The following TLN2 variants were observed in gnomAD, a reference collection of about 807,000 sequenced individuals.
The protein encoded by TLN2 is talin 2, also known as talin-2.
Under a neutral mutation model 294.7 loss-of-function variants are expected in TLN2, and 118 were observed. That is an observed-to-expected ratio of 0.40 (90% CI 0.34 to 0.47). The LOEUF is 0.47. TLN2 is among the 20% of genes least tolerant of loss of function. The pLI is 0.84. For synonymous variants in TLN2, 1,431 were observed against 1,304.5 expected (o/e 1.10, Z -2.09); for missense variants, 3,083 against 3,282.2 (o/e 0.94, Z 1.48).
intron 46 of TLN2, among the ~76,000 whole-genome samples, 178 bp from the exon 47 acceptor site, chr15:62,795,949 C>G (rs1427376287): frequency 2.0e-5 from 3 of 152,202 alleles, no homozygotes; most frequent in African/African-American, 7.2e-5. Flanking sequence ...TGCCTAAGGT[C>G]ACAGGGCCTG....
intron 1 of TLN2, among the ~76,000 whole-genome samples, chr15:62,418,092 A>C (rs1308831524): frequency 6.6e-6 from 1 of 152,228 alleles, no homozygotes; most frequent in Non-Finnish European, 1.5e-5. Context: ...CATTGTGACT[A>C]ATCTCAGATT....
At chr15:62,689,846 CTTTTTTTTTTTTT>C (rs1158144919) in intron 12 of TLN2, among the ~76,000 whole-genome samples, 18 of 15,416 alleles carry the variant, frequency 1.2e-3, no homozygotes, top group East Asian at 7.1e-3. Flanking sequence ...GTATGGGCTT[CTTTTTTTTTTTTT>C]TTTTTTTTTT....
chr15:62,692,973 A>G, intron 13 of TLN2, 32 bp downstream of exon 13: 1 of 1,569,146 alleles, frequency 6.4e-7, no homozygotes, highest in Non-Finnish European at 8.7e-7. Flanking sequence ...TGGAAAAGCA[A>G]GACGGCTTTA....
intron 48 of TLN2, among the ~76,000 whole-genome samples, chr15:62,799,575 C>T (rs982479147): frequency 6.6e-6 from 1 of 152,218 alleles, no homozygotes; most frequent in Non-Finnish European, 1.5e-5. Flanking sequence ...TACTGAGTAC[C>T]TGCTGGGTGC....
intron 42 of TLN2, among the ~76,000 whole-genome samples, chr15:62,774,607 A>G (rs1353694): frequency 6.6e-6 from 1 of 152,236 alleles, no homozygotes; most frequent in Admixed American, 6.5e-5. Flanking sequence ...TAGAAGAGGT[A>G]GACGTTGAGC....
At chr15:62,779,431 G>A (rs1404929746) in intron 43 of TLN2, among the ~76,000 whole-genome samples, 1 of 152,184 alleles carries the variant, frequency 6.6e-6, no homozygotes, top group East Asian at 1.9e-4. Context: ...ATAAAAGAAA[G>A]GTCATGCTAG....
At position 62,721,824 on chromosome 15, in the gene TLN2, G is replaced by A. The variant is rs539599823; in HGVS notation, c.2992-529G>A. On this transcript the variant is annotated intron_variant, in intron 25 of 58. Transcript: ENST00000636159. Reference sequence around the variant, plus strand: ...TATTATATAGCTCTTTAAAAGGTAGGATATGTGAGACAAGGAGATTGTGAG... The same window carrying A: ...TATTATATAGCTCTTTAAAAGGTAGAATATGTGAGACAAGGAGATTGTGAG... 3.9e-5 allele frequency among the ~76,000 whole-genome samples: 6 copies of A among 152,314 alleles called. No homozygotes were observed. In the East Asian group the frequency reaches 1.2e-3, roughly 29 times the overall value.
At chr15:62,782,672 ACACT>A (rs1433209346) in intron 44 of TLN2, among the ~76,000 whole-genome samples, 1 of 152,232 alleles carries the variant, frequency 6.6e-6, no homozygotes, top group Non-Finnish European at 1.5e-5. Flanking sequence ...GCACGTGGCA[ACACT>A]CACTCTCGTG....
chr15:62,827,734 GATTA>G (rs926092833), intron 54 of TLN2: 4 of 152,200 alleles, frequency 2.6e-5, no homozygotes, highest in Non-Finnish European at 5.9e-5. Flanking sequence ...CAGAGAAACA[GATTA>G]ATTTAGCCCC....
At chr15:62,675,143 A>G (rs1878785) in intron 10 of TLN2, 74 bp from the exon 11 acceptor site, 1,379,067 of 1,396,396 alleles carry the variant, frequency 0.99, 681,785 homozygotes, top group Non-Finnish European at 1. Context: ...CACCACATAC[A>G]GTAACTACCT....
chr15:62,642,805 G>T (rs1209837347), intron 3 of TLN2, among the ~76,000 whole-genome samples: 1 of 151,492 alleles, frequency 6.6e-6, no homozygotes, highest in East Asian at 1.9e-4. Flanking sequence ...GGGTTCAAGC[G>T]ATTCTCCTGC....
At chr15:62,574,436 C>T (rs1410837827) in intron 1 of TLN2, among the ~76,000 whole-genome samples, 1 of 151,396 alleles carries the variant, frequency 6.6e-6, no homozygotes, top group African/African-American at 2.4e-5. Flanking sequence ...AAAAATTTAG[C>T]CAGGCATGGT....
At position 62,414,187 on chromosome 15, in the gene TLN2, T is replaced by TATAA. The variant is rs1566953055; in HGVS notation, c.-238+23505_-238+23506insAATA. On this transcript the variant is annotated intron_variant, in intron 1 of 58. Coordinates refer to ENST00000636159, the MANE Select transcript of TLN2 (RefSeq NM_015059.3). Reference sequence around the variant, plus strand: ...AACTATATATATATATATATATATATATATAATTTGAGAAATTAAATCCTT... The same window carrying TATAA: ...AACTATATATATATATATATATATATATAAATATAATTTGAGAAATTAAATCCTT... 4.0e-4 allele frequency among the ~76,000 whole-genome samples: 51 copies of TATAA among 126,040 alleles called. 2 individuals carry two copies. Among genetic ancestry groups the TATAA allele is most frequent in the African/African-American group, 1.3e-3 (47 of 36,444 alleles). The allele number at this position is 126,040 out of a possible 152,430, so 82.7% of individuals were successfully genotyped here. A position where few individuals can be genotyped will look rare whatever the true frequency, so the allele number is the denominator to read the frequency against.
chr15:62,627,411 G>T (rs2049375627), intron 3 of TLN2, among the ~76,000 whole-genome samples: 1 of 152,154 alleles, frequency 6.6e-6, no homozygotes, highest in Admixed American at 6.5e-5. Context: ...TTGGGGGCTA[G>T]CCAAAGAGGG....
intron 1 of TLN2, among the ~76,000 whole-genome samples, chr15:62,529,015 C>G (rs1367464669): frequency 1.3e-5 from 2 of 151,932 alleles, no homozygotes; most frequent in Non-Finnish European, 1.5e-5. Context: ...AATGGAGTCT[C>G]TTCATATAAA....
chr15:62,551,596 G>A (rs1173865911), intron 1 of TLN2, among the ~76,000 whole-genome samples: 1 of 152,086 alleles, frequency 6.6e-6, no homozygotes, highest in Non-Finnish European at 1.5e-5. Context: ...CTACTCGGGA[G>A]GCTAAGGCAG....
chr15:62,435,006 C>T (rs569404004), intron 1 of TLN2, among the ~76,000 whole-genome samples: 1 of 152,328 alleles, frequency 6.6e-6, no homozygotes, highest in Admixed American at 6.5e-5. Flanking sequence ...TCAGTGAGAA[C>T]ATGCAGTGTT....
At chr15:62,786,264 A>G (rs889030405) in intron 45 of TLN2, among the ~76,000 whole-genome samples, 1 of 152,202 alleles carries the variant, frequency 6.6e-6, no homozygotes, top group Non-Finnish European at 1.5e-5. Flanking sequence ...TATCCAGGGG[A>G]AATAAGGAGC....
chr15:62,654,852 G>A (rs1045885253), intron 7 of TLN2, among the ~76,000 whole-genome samples: 7 of 149,100 alleles, frequency 4.7e-5, no homozygotes, highest in African/African-American at 1.7e-4. Context: ...AAGCCAGCAC[G>A]TAACCCCATG....
Sources: gnomAD v4.1 joint callset for allele counts (sites outside exome capture counted in the v4.1 genomes callset) on GRCh38, gnomAD v4.1.1 for gene constraint, MANE v1.5 for transcripts, NCBI Gene and HGNC (gene_info 2026-07-23, HGNC 2026-07-21) for gene names.